The following EPB41L3 variants were observed in gnomAD, a reference collection of about 807,000 sequenced individuals.
EPB41L3 encodes band 4.1-like protein 3.
Under a neutral mutation model 127.1 loss-of-function variants are expected in EPB41L3, and 57 were observed. The observed-to-expected ratio is 0.45, with a 90% CI of 0.36 to 0.56. The LOEUF (loss-of-function observed/expected upper bound fraction) is 0.56, where lower values mean the gene tolerates loss of function less well. Among genes scored for constraint, EPB41L3 ranks in the 20% least tolerant of loss-of-function variants. The pLI, the probability that EPB41L3 is intolerant of heterozygous loss-of-function variation, is 0.00. For synonymous variants in EPB41L3, 572 were observed against 549.5 expected, an observed-to-expected ratio of 1.04 and a Z score of -0.57; for missense variants, 1,273 against 1,372.2, an observed-to-expected ratio of 0.93 and a Z score of 1.14.
At chr18:5,540,991 A>G (rs1409376570) in intron 1 of EPB41L3, among the ~76,000 whole-genome samples, 4 of 150,768 alleles carry the variant, frequency 2.7e-5, no homozygotes, top group Non-Finnish European at 5.9e-5. Context: ...AGGCTGAGGC[A>G]GGAGAATGGC....
At chr18:5,566,780 T>TTCTAC (rs2094210104) in intron 3 of EPB41L3, among the ~76,000 whole-genome samples, 2 of 130,674 alleles carry the variant, frequency 1.5e-5, no homozygotes, top group Non-Finnish European at 3.5e-5. Flanking sequence ...TTCTATTCTA[T>TTCTAC]TCTATTCTAT....
Position 5,406,778 on chromosome 18 carries a change from T to C in EPB41L3, c.2348A>G (p.Glu783Gly), listed in dbSNP as rs753109091. 3.7e-6 allele frequency: 6 copies of C among 1,612,678 alleles called. No homozygotes were observed. In the African/African-American group the frequency reaches 6.7e-5, roughly 18 times the overall value. Residue 783 changes from glutamate to glycine, a missense_variant and splice_region_variant, in exon 16 of 23, where the codon GAG (glutamate) becomes GGG (glycine). By Grantham distance (98) the Glu-to-Gly change is moderately conservative. Transcript: ENST00000341928. ...APMIEPLVPE[E>G]TKQSSGEKLM... ...CTGACCACAAACCTGACTACTGACC[T>C]CTTCAGGGACAAGTGGTTCGATCAT...
At chr18:5,422,690 C>G (rs1343736994) in intron 11 of EPB41L3, among the ~76,000 whole-genome samples, 1 of 152,134 alleles carries the variant, frequency 6.6e-6, no homozygotes, top group Non-Finnish European at 1.5e-5. Context: ...AGAGAGCAAT[C>G]AAGAAACTGT....
chr18:5,478,124 T>G lies in EPB41L3; in HGVS notation c.381+117A>C. 3.8e-6 allele frequency: 3 copies of G among 797,424 alleles called. No homozygotes were observed. The South Asian group carries it at 5.9e-5, about 16-fold the overall frequency. The allele number at this position is 797,424 out of a possible 1,614,324, so 49.4% of individuals were successfully genotyped here. On this transcript the variant is annotated intron_variant, in intron 3 of 22. Transcript: ENST00000341928. ...GGGAAATAATTTTATATTTAGAGAC[T>G]GGGTTTGAGTAATTTTCCAGAGTCC...
At chr18:5,564,453 G>A (rs2094172642) in intron 3 of EPB41L3, among the ~76,000 whole-genome samples, 1 of 152,110 alleles carries the variant, frequency 6.6e-6, no homozygotes, top group African/African-American at 2.4e-5. Flanking sequence ...GTTTCTGAAG[G>A]ATAAGACAGA....
chr18:5,396,795 T>C (rs1302263331), intron 18 of EPB41L3, among the ~76,000 whole-genome samples: 1 of 152,156 alleles, frequency 6.6e-6, no homozygotes, highest in Non-Finnish European at 1.5e-5. Flanking sequence ...TACTGCCAAT[T>C]ATAATAATTT....
intron 8 of EPB41L3, among the ~76,000 whole-genome samples, chr18:5,430,868 G>A (rs190391895): frequency 5.3e-5 from 8 of 151,970 alleles, no homozygotes; most frequent in Non-Finnish European, 1.2e-4. Context: ...AGAAATCTTT[G>A]GTTTTAAAAG....
At chr18:5,451,769 A>G (rs2082303977) in intron 3 of EPB41L3, among the ~76,000 whole-genome samples, 1 of 152,248 alleles carries the variant, frequency 6.6e-6, no homozygotes, top group African/African-American at 2.4e-5. Flanking sequence ...GGGGGCACTT[A>G]AAACATGTCA....
At chr18:5,412,517 C>T (rs12605792) in intron 13 of EPB41L3, among the ~76,000 whole-genome samples, 233 of 152,214 alleles carry the variant, frequency 1.5e-3, no homozygotes, top group African/African-American at 4.9e-3. Flanking sequence ...TAAGCCACCG[C>T]GCGCCCAGCT....
chr18:5,436,106 C>T (rs994392871), intron 6 of EPB41L3, among the ~76,000 whole-genome samples: 2 of 151,546 alleles, frequency 1.3e-5, no homozygotes, highest in Non-Finnish European at 3.0e-5. Flanking sequence ...AGATAAATTA[C>T]TAACTGCCAA....
In EPB41L3 at chr18:5,451,428, T is replaced by A. The variant is rs189140609; in HGVS notation, c.382-6184A>T. ...TTCAAGGGGTTTCCCCAGTGCCAAC[T>A]CTCTGAAGCATTTCCTGTCTTCCCA... On this transcript the variant is annotated intron_variant, in intron 3 of 22. Coordinates refer to ENST00000341928, the MANE Select transcript of EPB41L3 (RefSeq NM_012307.5). 2.6e-5 allele frequency among the ~76,000 whole-genome samples: 4 copies of A among 152,318 alleles called. No homozygotes were observed. The East Asian group carries it at 7.7e-4, about 29-fold the overall frequency.
intron 3 of EPB41L3, among the ~76,000 whole-genome samples, chr18:5,560,002 G>C (rs1173940880): frequency 9.2e-5 from 14 of 152,002 alleles, no homozygotes; most frequent in Admixed American, 8.5e-4. Flanking sequence ...ATTGTATTTT[G>C]ATCTTTGGCT....
chr18:5,436,945 C>G (rs910271949), intron 6 of EPB41L3, among the ~76,000 whole-genome samples: 2 of 152,142 alleles, frequency 1.3e-5, no homozygotes, highest in African/African-American at 4.8e-5. Context: ...TGAGTAATTT[C>G]CCTTTTCTGT....
intron 8 of EPB41L3, among the ~76,000 whole-genome samples, chr18:5,431,801 A>T (rs1322456973): frequency 6.6e-6 from 1 of 152,188 alleles, no homozygotes; most frequent in Non-Finnish European, 1.5e-5. Context: ...AGAGAAATTT[A>T]AAAATCTTAA....
chr18:5,397,335 G>C lies in EPB41L3; in HGVS notation c.2564C>G (p.Thr855Ser). ...PLSTEKVVQE[T>S]VLVEERRVVH... ...CACACGCCGCTCCTCCACCAACACG[G>C]TCTCCTGCACCACCTTCTCAGTGCT... The change falls in exon 18 of 23, where the codon ACC becomes AGC. Residue 855 changes from threonine to serine, a missense_variant. By Grantham distance (58) the Thr-to-Ser change is moderately conservative. Transcript: ENST00000341928. The surrounding 1 kb of genome is among the most constrained non-coding windows in gnomAD (Gnocchi z 4.1). 1 of 1,614,004 alleles carries C rather than the reference G, an allele frequency of 6.2e-7. No individual in the cohort carries two copies. Among genetic ancestry groups the C allele is most frequent in the Non-Finnish European group, 8.5e-7 (1 of 1,180,030 alleles).
At chr18:5,529,993 C>T (rs1438510793) in intron 1 of EPB41L3, among the ~76,000 whole-genome samples, 2 of 151,614 alleles carry the variant, frequency 1.3e-5, no homozygotes, top group Non-Finnish European at 2.9e-5. Flanking sequence ...GGCCATTCCC[C>T]TCTCCCTCAC....
chr18:5,629,991 T>A (rs1445594440), upstream of EPB41L3, among the ~76,000 whole-genome samples: 1 of 152,126 alleles, frequency 6.6e-6, no homozygotes, highest in Admixed American at 6.5e-5. Flanking sequence ...GGCCTTGGGC[T>A]CCGAGGAACC....
intron 1 of EPB41L3, among the ~76,000 whole-genome samples, chr18:5,504,280 ATTT>A (rs370797555): frequency 5.3e-5 from 8 of 150,768 alleles, no homozygotes; most frequent in African/African-American, 1.9e-4. Context: ...CATCTAACAG[ATTT>A]TTTTTTTAAT....
At chr18:5,404,233 C>T (rs1004927073) in intron 16 of EPB41L3, among the ~76,000 whole-genome samples, 24 of 152,120 alleles carry the variant, frequency 1.6e-4, no homozygotes, top group African/African-American at 5.8e-4. Flanking sequence ...TTCAGGGCTC[C>T]TTTGATAAGC....
Sources: allele counts gnomAD v4.1 joint callset (sites outside exome capture counted in the v4.1 genomes callset), GRCh38; gene constraint gnomAD v4.1.1; non-coding constraint Gnocchi (gnomAD v3.1); transcripts MANE v1.5; gene names NCBI Gene and HGNC (gene_info 2026-07-23, HGNC 2026-07-21).